The following GRHL2 variants were observed in gnomAD, a reference collection of about 807,000 sequenced individuals.
GRHL2 encodes the protein grainyhead-like protein 2 homolog.
In GRHL2, 21 loss-of-function variants were observed where a neutral mutation model predicts 83.8. The ratio of observed to expected loss-of-function variants is 0.25; its 90% CI spans 0.18 to 0.36. GRHL2 has a LOEUF of 0.36. Among genes scored for constraint, GRHL2 ranks in the 10% least tolerant of loss-of-function variants. The pLI is 1.00. For synonymous variants in GRHL2, 280 were observed against 278.9 expected, an observed-to-expected ratio of 1.00 and a Z score of -0.04; for missense variants, 623 against 781.8, an observed-to-expected ratio of 0.80 and a Z score of 2.42.
intron 4 of GRHL2, among the ~76,000 whole-genome samples, chr8:101,566,642 G>A (rs1272849973): frequency 6.7e-6 from 1 of 148,212 alleles, no homozygotes; most frequent in Admixed American, 6.7e-5. Context: ...ATATCTAACT[G>A]CCCGATTGAT....
chr8:101,624,055 CAGT>C (rs1306936306), intron 9 of GRHL2, among the ~76,000 whole-genome samples: 6 of 143,598 alleles, frequency 4.2e-5, no homozygotes, highest in African/African-American at 1.3e-4. Context: ...ACACAGTACA[CAGT>C]AGAACAGTTC....
intron 8 of GRHL2, among the ~76,000 whole-genome samples, chr8:101,600,341 C>T (rs1478228057): frequency 6.6e-6 from 1 of 152,126 alleles, no homozygotes; most frequent in Non-Finnish European, 1.5e-5. Flanking sequence ...CTAAGGTCCA[C>T]TCCTCCTTCA....
At chr8:101,633,365 G>A (rs1010329499) in intron 11 of GRHL2, among the ~76,000 whole-genome samples, 11 of 152,156 alleles carry the variant, frequency 7.2e-5, no homozygotes, top group Non-Finnish European at 1.6e-4. Flanking sequence ...TTGAGAAACA[G>A]GAGCATACTG....
intron 1 of GRHL2, among the ~76,000 whole-genome samples, chr8:101,510,105 C>T (rs763103421): frequency 1.3e-5 from 2 of 152,148 alleles, no homozygotes; most frequent in Non-Finnish European, 2.9e-5. Flanking sequence ...ATCTTCCCAC[C>T]TCAACCTCTT....
At chr8:101,594,291 T>C (rs964573125) in intron 7 of GRHL2, among the ~76,000 whole-genome samples, 47 of 152,142 alleles carry the variant, frequency 3.1e-4, no homozygotes, top group African/African-American at 9.7e-4. Flanking sequence ...TAATTAGTTA[T>C]GACAGCTCAA....
chr8:101,513,176 A>G (rs1345110977), intron 1 of GRHL2, among the ~76,000 whole-genome samples: 1 of 151,986 alleles, frequency 6.6e-6, no homozygotes, highest in Non-Finnish European at 1.5e-5. Flanking sequence ...TTGTTGTAGT[A>G]GTTGTTTAAA....
chr8:101,636,135 G>C (rs558490021), intron 11 of GRHL2, among the ~76,000 whole-genome samples: 1 of 152,282 alleles, frequency 6.6e-6, no homozygotes, highest in South Asian at 2.1e-4. Context: ...AGATAATTGG[G>C]TCAAGAGGAC....
At chr8:101,543,889 C>A in intron 2 of GRHL2, 1 of 210,712 alleles carries the variant, frequency 4.7e-6, no homozygotes, top group South Asian at 7.8e-5. Flanking sequence ...CTGGGGAGGC[C>A]TCAGAATCAT....
intron 3 of GRHL2, among the ~76,000 whole-genome samples, chr8:101,555,431 C>T (rs1179012388): frequency 6.6e-6 from 1 of 151,544 alleles, no homozygotes; most frequent in Non-Finnish European, 1.5e-5. Flanking sequence ...ACGGTGGTCT[C>T]GTTATGGCAA....
chr8:101,593,449 T>A (rs1586127613), intron 7 of GRHL2, among the ~76,000 whole-genome samples: 1 of 152,308 alleles, frequency 6.6e-6, no homozygotes, highest in East Asian at 1.9e-4. Context: ...CATTTGAAAT[T>A]CAATATGTTC....
At chr8:101,646,552 G>C (rs560241762) in intron 13 of GRHL2, among the ~76,000 whole-genome samples, 2 of 152,210 alleles carry the variant, frequency 1.3e-5, no homozygotes, top group Non-Finnish European at 2.9e-5. Flanking sequence ...CTTGCTTGGA[G>C]CATCCACTGA....
At chr8:101,641,360 C>T (rs1207556435) in intron 12 of GRHL2, among the ~76,000 whole-genome samples, 2 of 151,966 alleles carry the variant, frequency 1.3e-5, no homozygotes, top group East Asian at 1.9e-4. Flanking sequence ...TCATGGTAAC[C>T]GCATACATAG....
chr8:101,628,719 T>C (rs773567241), intron 9 of GRHL2, among the ~76,000 whole-genome samples: 8 of 151,858 alleles, frequency 5.3e-5, no homozygotes, highest in African/African-American at 7.3e-5. Context: ...TGGGAGGAGG[T>C]CAAAATATTA....
At chr8:101,638,382 C>T (rs1189396735) in intron 12 of GRHL2, among the ~76,000 whole-genome samples, 1 of 152,062 alleles carries the variant, frequency 6.6e-6, no homozygotes, top group Non-Finnish European at 1.5e-5. Context: ...GAAAAGAATT[C>T]AAAAGAAGAA....
At chr8:101,594,662 G>A (rs960734142) in intron 7 of GRHL2, among the ~76,000 whole-genome samples, 1 of 152,218 alleles carries the variant, frequency 6.6e-6, no homozygotes, top group Non-Finnish European at 1.5e-5. Context: ...AACACAAAGG[G>A]TAGAGATGAG....
rs187949947 is a variant in GRHL2 at position 101,517,866 on chromosome 8, G to A, written c.20+25077G>A. Among the ~76,000 whole-genome samples, 180 of 152,250 alleles carry A rather than the reference G, an allele frequency of 1.2e-3. 1 individual carries two copies. Among genetic ancestry groups the A allele is most frequent in the Middle Eastern group, 3.4e-3 (1 of 294 alleles). On this transcript the variant is annotated intron_variant, in intron 1 of 15. Coordinates refer to ENST00000646743, the MANE Select transcript of GRHL2 (RefSeq NM_024915.4). ...TGCTTGGCTAGCACCTGCTTGATATGAGTGAACCTGGGAGAGAGAACTCCA... is the reference window on the plus strand; with the variant it reads ...TGCTTGGCTAGCACCTGCTTGATATAAGTGAACCTGGGAGAGAGAACTCCA...
Position 101,558,855 on chromosome 8 carries a change from G to T in GRHL2, c.678+43G>T, listed in dbSNP as rs781023488. On this transcript the variant is annotated intron_variant, in intron 4 of 15. Transcript: ENST00000646743. ...TCGACGGCCAGAACCCAAACCCAGA[G>T]CCCCTAGCTAATTTTTTTCTATTTC... The T allele has an allele frequency of 6.9e-6, 11 of 1,602,234 alleles. No homozygotes were observed. In the African/African-American group the frequency reaches 8.1e-5, roughly 12 times the overall value.
chr8:101,652,565 T>TGTCTG (rs1813689388), intron 14 of GRHL2, among the ~76,000 whole-genome samples: 1 of 100,546 alleles, frequency 9.9e-6, no homozygotes, highest in Non-Finnish European at 2.0e-5. Flanking sequence ...TGTGTGGTGG[T>TGTCTG]GTGTGTGTGG....
chr8:101,676,798 C>G, the GRHL2 span, among the ~76,000 whole-genome samples: 3 of 152,266 alleles, frequency 2.0e-5, no homozygotes, highest in South Asian at 2.1e-4. Context: ...ATAGCAAAGA[C>G]TTGGAACCAA....
Sources: allele counts gnomAD v4.1 joint callset (sites outside exome capture counted in the v4.1 genomes callset), GRCh38; gene constraint gnomAD v4.1.1; transcripts MANE v1.5; gene names NCBI Gene and HGNC (gene_info 2026-07-23, HGNC 2026-07-21).